Variants in UBR2 observed in about 807,000 individuals in gnomAD.
The protein encoded by UBR2 is ubiquitin protein ligase E3 component n-recognin 2, also known as E3 ubiquitin-protein ligase UBR2.
A neutral mutation model predicts 247.9 loss-of-function variants in UBR2; 92 were observed. That is an observed-to-expected ratio of 0.37 (90% confidence interval 0.31 to 0.44). The LOEUF (loss-of-function observed/expected upper bound fraction) is 0.44. UBR2 is among the 20% of genes least tolerant of loss of function. The pLI, the probability that UBR2 is intolerant of heterozygous loss-of-function variation, is 1.00. For synonymous variants in UBR2, 672 were observed against 693.5 expected, an observed-to-expected ratio of 0.97 and a Z score of 0.49; for missense variants, 1,613 against 2,112.6, an observed-to-expected ratio of 0.76 and a Z score of 4.64.
rs577422533 is a variant in UBR2 at position 42,593,078 on chromosome 6, G to T, written c.417+849G>T. On this transcript the variant is annotated intron_variant, in intron 3 of 46. Transcript: ENST00000372901. The stretch of plus-strand genomic sequence containing the variant: ...AATCCCAGCTGCTCGGGAGGCTGAG[G>T]CAGGAGAATCACTTAAACCTGGGAG... 4.6e-5 allele frequency among the ~76,000 whole-genome samples: 7 copies of T among 152,246 alleles called. No individual in the cohort carries two copies. In the East Asian group the frequency reaches 1.3e-3, roughly 29 times the overall value.
At chr6:42,588,807 G>A (rs532120071) in intron 2 of UBR2, among the ~76,000 whole-genome samples, 142 of 152,068 alleles carry the variant, frequency 9.3e-4, no homozygotes, top group African/African-American at 3.4e-3. Context: ...AACTGGCCCT[G>A]TACTGAGGCT....
chr6:42,642,516 G>A, intron 18 of UBR2, 35 bp downstream of exon 18: 1 of 1,539,346 alleles, frequency 6.5e-7, no homozygotes, highest in Non-Finnish European at 8.9e-7. Flanking sequence ...TAAAGGTTGT[G>A]GGGAATCTTT....
intron 2 of UBR2, among the ~76,000 whole-genome samples, chr6:42,580,212 C>A (rs1178668631): frequency 6.6e-6 from 1 of 152,102 alleles, no homozygotes; most frequent in African/African-American, 2.4e-5. Context: ...TCTCTCTGAC[C>A]TGGGAAAATG....
intron 11 of UBR2, chr6:42,619,451 A>ATTTTTTT (rs1310062071): frequency 3.9e-4 from 9 of 23,014 alleles, no homozygotes; most frequent in Admixed American, 1.5e-3. Flanking sequence ...ATATATATAT[A>ATTTTTTT]TATTTTTTTT....
intron 25 of UBR2, among the ~76,000 whole-genome samples, chr6:42,653,609 T>C (rs1797249814): frequency 1.1e-4 from 4 of 37,742 alleles, no homozygotes; most frequent in African/African-American, 5.0e-4. Context: ...CTAAGCCCTT[T>C]TTTTTTTTTT....
chr6:42,566,544 C>T (rs760237026), intron 1 of UBR2, among the ~76,000 whole-genome samples: 34 of 152,146 alleles, frequency 2.2e-4, no homozygotes, highest in Admixed American at 6.5e-4. Context: ...TACGCCACCA[C>T]GCCTGACTAA....
Position 42,635,561 on chromosome 6 carries a change from G to T in UBR2, c.1674+15G>T, listed in dbSNP as rs529914166. ...GTGCTTCAGATGTGAGTTTCTTCTG[G>T]GTGCGGGGAATAGGAGGAAAGTGGA... On this transcript the variant is annotated intron_variant, in intron 14 of 46. Coordinates refer to ENST00000372901, the MANE Select transcript of UBR2 (RefSeq NM_001363705.2). 11 of 1,596,108 alleles carry T rather than the reference G, an allele frequency of 6.9e-6. No individual in the cohort carries two copies. The highest frequency in any genetic ancestry group is 1.7e-4 in the Middle Eastern group (1 of 6,004).
At chr6:42,613,118 A>G (rs554400112) in intron 8 of UBR2, among the ~76,000 whole-genome samples, 8 of 152,212 alleles carry the variant, frequency 5.3e-5, no homozygotes, top group African/African-American at 1.7e-4. Flanking sequence ...AAAAAATTCC[A>G]GAGTCTAGAA....
At chr6:42,664,570 T>C (rs1418788936) in intron 32 of UBR2, among the ~76,000 whole-genome samples, 1 of 152,232 alleles carries the variant, frequency 6.6e-6, no homozygotes, top group East Asian at 1.9e-4. Flanking sequence ...AGTTCAAACT[T>C]TGGTGTTCTT....
At chr6:42,646,793 T>TA (rs1554258044) in intron 21 of UBR2, among the ~76,000 whole-genome samples, 1 of 150,034 alleles carries the variant, frequency 6.7e-6, no homozygotes, top group Non-Finnish European at 1.5e-5. Flanking sequence ...AAACAATAAT[T>TA]TATATATATA....
chr6:42,578,683 G>A (rs999435813), intron 2 of UBR2, among the ~76,000 whole-genome samples: 5 of 152,002 alleles, frequency 3.3e-5, no homozygotes, highest in Non-Finnish European at 7.4e-5. Context: ...GATAGTTCTA[G>A]TTCCTTTTCT....
intron 40 of UBR2, among the ~76,000 whole-genome samples, chr6:42,677,507 G>GT (rs1798781828): frequency 1.3e-5 from 2 of 152,178 alleles, no homozygotes; most frequent in Admixed American, 6.5e-5. Context: ...GCCAGGCACG[G>GT]TGTCTCACCC....
At chr6:42,619,381 A>G (rs1794755737) in intron 11 of UBR2, 1 of 136,498 alleles carries the variant, frequency 7.3e-6, no homozygotes, top group African/African-American at 2.8e-5. Context: ...TTATGTTCTT[A>G]GTAAAAACTT....
At chr6:42,633,263 G>A (rs888439014) in intron 13 of UBR2, among the ~76,000 whole-genome samples, 1 of 151,966 alleles carries the variant, frequency 6.6e-6, no homozygotes, top group African/African-American at 2.4e-5. Flanking sequence ...AGATCAATTT[G>A]GATGGCTGCA....
At chr6:42,653,762 C>A (rs1797265226) in intron 25 of UBR2, among the ~76,000 whole-genome samples, 1 of 151,672 alleles carries the variant, frequency 6.6e-6, no homozygotes, top group African/African-American at 2.4e-5. Flanking sequence ...AGTACAGGTG[C>A]CTGTCACGAA....
At position 42,603,748 on chromosome 6, in the gene UBR2, T is replaced by C. The variant is rs373193567; in HGVS notation, c.662+30T>C. The C allele has an allele frequency of 3.3e-5, 51 of 1,563,454 alleles. No individual in the cohort carries two copies. The South Asian group carries it at 6.1e-4, about 19-fold the overall frequency. On this transcript the variant is annotated intron_variant, in intron 5 of 46. Coordinates refer to ENST00000372901, the MANE Select transcript of UBR2 (RefSeq NM_001363705.2). The stretch of plus-strand genomic sequence containing the variant: ...GTATAACCTGTTTATTCTTCATGTA[T>C]GAAGAACTGCTAAATTTTAACTTTA...
At chr6:42,633,801 G>T (rs1164103858) in intron 13 of UBR2, among the ~76,000 whole-genome samples, 1 of 152,090 alleles carries the variant, frequency 6.6e-6, no homozygotes, top group Non-Finnish European at 1.5e-5. Flanking sequence ...CACAATCCTG[G>T]CTCACTGCAA....
intron 43 of UBR2, among the ~76,000 whole-genome samples, chr6:42,684,388 A>G (rs548415318): frequency 6.6e-6 from 1 of 152,062 alleles, no homozygotes; most frequent in Admixed American, 6.6e-5. Flanking sequence ...CATCCTGGCT[A>G]ATACGGTGAA....
At chr6:42,573,331 T>G (rs1376208081) in intron 1 of UBR2, among the ~76,000 whole-genome samples, 1 of 152,220 alleles carries the variant, frequency 6.6e-6, no homozygotes, top group Non-Finnish European at 1.5e-5. Flanking sequence ...CACCGTACAC[T>G]CTTCCTATGG....
Sources: allele counts gnomAD v4.1 joint callset (sites outside exome capture counted in the v4.1 genomes callset), GRCh38; gene constraint gnomAD v4.1.1; transcripts MANE v1.5; gene names NCBI Gene and HGNC (gene_info 2026-07-23, HGNC 2026-07-21).